PABPC4: variants seen among roughly 807,000 people sequenced by gnomAD.
The protein encoded by PABPC4 is poly(A) binding protein cytoplasmic 4, also known as polyadenylate-binding protein 4.
In PABPC4, 15 loss-of-function variants were observed where a neutral mutation model predicts 74.5. The observed-to-expected ratio is 0.20, with a 90% CI of 0.13 to 0.31. The LOEUF is 0.31. PABPC4 is among the 10% of genes least tolerant of loss of function. The pLI, the probability that PABPC4 is intolerant of heterozygous loss-of-function variation, is 1.00. For synonymous variants in PABPC4, 345 were observed against 303.0 expected (o/e 1.14, Z -1.44); for missense variants, 610 against 853.5 (o/e 0.71, Z 3.55).
At chr1:39,572,613 A>G in intron 1 of PABPC4, 27 bp from the exon 2 acceptor site, 1 of 1,591,608 alleles carries the variant, frequency 6.3e-7, no homozygotes, top group Non-Finnish European at 8.6e-7. Flanking sequence ...CATTTCAATA[A>G]GGAGAGAAAA....
chr1:39,576,017 A>C lies in PABPC4; in HGVS notation c.-66T>G, dbSNP rs2124021796. The C allele has an allele frequency of 1.7e-6, 2 of 1,155,950 alleles. No individual in the cohort carries two copies. Among genetic ancestry groups the C allele is most frequent in the East Asian group, 3.1e-5 (1 of 32,044 alleles). The allele number at this position is 1,155,950 out of a possible 1,614,324, so 71.6% of individuals were successfully genotyped here. A position where few individuals can be genotyped will look rare whatever the true frequency, so the allele number is the denominator to read the frequency against. ...TCTTATCGGGCCCGCCGCAGGACAA[A>C]GGGGCGCCTTCGGAGCCCGGGCCCG... On this transcript the variant is annotated 5_prime_UTR_variant, in exon 1 of 16. Coordinates refer to ENST00000372858, the MANE Select transcript of PABPC4 (RefSeq NM_001135653.2).
intron 1 of PABPC4, among the ~76,000 whole-genome samples, chr1:39,573,677 GGCA>G (rs1364673510): frequency 1.3e-5 from 2 of 152,136 alleles, no homozygotes; most frequent in Non-Finnish European, 2.9e-5. Flanking sequence ...CAATTAGCTG[GGCA>G]TGGTGGCGGG....
intron 8 of PABPC4, 105 bp from the exon 9 acceptor site, chr1:39,564,878 T>C: frequency 1.0e-6 from 1 of 991,152 alleles, no homozygotes; most frequent in African/African-American, 1.6e-5. Context: ...ATTATTTAAA[T>C]GTTCTTTCTA....
At chr1:39,561,856 T>C (rs1645774132) in intron 14 of PABPC4, 69 bp from the exon 15 acceptor site, 1 of 1,416,988 alleles carries the variant, frequency 7.1e-7, no homozygotes, top group Admixed American at 1.8e-5. Context: ...TGCCCAGACC[T>C]AGTGGTGGAC....
intron 7 of PABPC4, among the ~76,000 whole-genome samples, chr1:39,566,093 A>C (rs998810897): frequency 1.3e-5 from 2 of 152,174 alleles, no homozygotes; most frequent in African/African-American, 4.8e-5. Flanking sequence ...GGTGATGCTA[A>C]AGTTCTGAAA....
intron 1 of PABPC4, chr1:39,573,139 G>A (rs1228725438): frequency 1.3e-5 from 2 of 151,102 alleles, no homozygotes; most frequent in African/African-American, 4.9e-5. Flanking sequence ...ATGGAGACAA[G>A]TGACAAAACC....
At chr1:39,573,849 G>A (rs1570400181) in intron 1 of PABPC4, among the ~76,000 whole-genome samples, 2 of 152,016 alleles carry the variant, frequency 1.3e-5, no homozygotes, top group Non-Finnish European at 2.9e-5. Flanking sequence ...AGAACCAAAA[G>A]CTAAAAAATA....
At chr1:39,569,180 G>A (rs1413517205) in intron 5 of PABPC4, among the ~76,000 whole-genome samples, 1 of 152,156 alleles carries the variant, frequency 6.6e-6, no homozygotes, top group African/African-American at 2.4e-5. Context: ...GTGCTGACAT[G>A]AGCCTAGGGC....
intron 5 of PABPC4, among the ~76,000 whole-genome samples, chr1:39,569,240 T>C (rs1231952660): frequency 6.6e-6 from 1 of 152,226 alleles, no homozygotes; most frequent in Non-Finnish European, 1.5e-5. Context: ...TTTGTGGGTA[T>C]TTAAGTGATA....
chr1:39,563,882 C>T lies in PABPC4; in HGVS notation c.1494G>A (p.Gly498=). 6.2e-7 allele frequency: 1 copy of T among 1,614,192 alleles called. No homozygotes were observed. The highest frequency in any genetic ancestry group is 8.5e-7 in the Non-Finnish European group (1 of 1,180,044). The change falls in exon 11 of 16, where the codon GGG becomes GGA. Residue 498 remains glycine (G), a synonymous_variant. Transcript: ENST00000372858. ...TCAGCCCTTGCTGGGCGGCACCAGC[C>T]CCACCAAAGTCCATAGCCAAGCGGT... is the stretch of plus-strand genomic sequence containing the variant. ...CPDRLAMDFG[G]AGAAQQGLTD...
chr1:39,571,001 C>A (rs1446751219), intron 3 of PABPC4: 4 of 1,341,590 alleles, frequency 3.0e-6, no homozygotes, highest in East Asian at 2.8e-5. Flanking sequence ...CAGACAGATG[C>A]CTTTAAGGGA....
At chr1:39,564,638 C>G (rs753076815) in intron 9 of PABPC4, 48 bp downstream of exon 9, 1 of 1,609,664 alleles carries the variant, frequency 6.2e-7, no homozygotes, top group East Asian at 2.2e-5. Flanking sequence ...CAGGGGAGAC[C>G]AGGACAGGTA....
chr1:39,570,284 T>C (rs1403560992), intron 3 of PABPC4, among the ~76,000 whole-genome samples: 1 of 152,254 alleles, frequency 6.6e-6, no homozygotes, highest in African/African-American at 2.4e-5. Context: ...TTTTAAAATG[T>C]TCATTTCTGT....
At chr1:39,564,210 G>A in intron 10 of PABPC4, 1 of 639,730 alleles carries the variant, frequency 1.6e-6, no homozygotes, top group African/African-American at 1.8e-5. Flanking sequence ...TTTCACATAG[G>A]TCACCGATGA....
At chr1:39,568,776 G>T (rs753520936) in intron 6 of PABPC4, 26 bp downstream of exon 6, 1 of 1,604,784 alleles carries the variant, frequency 6.2e-7, no homozygotes, top group Non-Finnish European at 8.5e-7. Flanking sequence ...AAATCCCATT[G>T]CTAGGCTGGG....
At chr1:39,566,845 G>A (rs1351108956) in intron 7 of PABPC4, among the ~76,000 whole-genome samples, 4 of 152,230 alleles carry the variant, frequency 2.6e-5, no homozygotes, top group South Asian at 2.1e-4. Context: ...TAGCAAAAAC[G>A]AAAGGGTAAG....
intron 3 of PABPC4, chr1:39,570,406 AATTT>A (rs1241820167): frequency 1.2e-5 from 2 of 170,364 alleles, no homozygotes; most frequent in Non-Finnish European, 2.5e-5. Context: ...TTGCTTTTTA[AATTT>A]ATTTATTTTG....
rs373550796 is a variant in PABPC4 at position 39,565,394 on chromosome 1, A to G, written c.973-16T>C. ...CCAGCATTACCTACAAAATGAGACC[A>G]GCTACTTAAGAAATAAGGTGTCCCT... On this transcript the variant is annotated splice_polypyrimidine_tract_variant and intron_variant, in intron 7 of 15. Transcript: ENST00000372858. The G allele has an allele frequency of 5.0e-5, 80 of 1,600,316 alleles. No individual in the cohort carries two copies. In the African/African-American group the frequency reaches 8.8e-4, roughly 18 times the overall value.
intron 3 of PABPC4, 80 bp from the exon 4 acceptor site, chr1:39,570,082 A>G: frequency 7.1e-7 from 1 of 1,404,490 alleles, no homozygotes; most frequent in Non-Finnish European, 9.8e-7. Flanking sequence ...ATACAGGTTA[A>G]AGACTGACAG....
Sources: allele counts gnomAD v4.1 joint callset (sites outside exome capture counted in the v4.1 genomes callset), GRCh38; gene constraint gnomAD v4.1.1; transcripts MANE v1.5; gene names NCBI Gene and HGNC (gene_info 2026-07-23, HGNC 2026-07-21).